GRID2: variants seen among roughly 807,000 people sequenced by gnomAD.
GRID2 encodes glutamate receptor ionotropic, delta-2.
GRID2 carries 33 observed loss-of-function variants against 114.8 expected under a neutral mutation model. The observed-to-expected ratio is 0.29, with a 90% CI of 0.22 to 0.38. GRID2 has a LOEUF of 0.38. GRID2 is among the 10% of genes least tolerant of loss of function. GRID2 has a pLI of 1.00. For synonymous variants in GRID2, 505 were observed against 449.9 expected (o/e 1.12, Z -1.55); for missense variants, 1,184 against 1,257.7 (o/e 0.94, Z 0.89).
intron 2 of GRID2, among the ~76,000 whole-genome samples, chr4:92,789,498 C>T (rs1391774833): frequency 3.3e-5 from 5 of 151,748 alleles, no homozygotes; most frequent in African/African-American, 9.7e-5. Context: ...CATTGACTTG[C>T]CTGTCTCTTA....
intron 11 of GRID2, 87 bp from the exon 12 acceptor site, chr4:93,490,552 A>G: frequency 3.2e-6 from 3 of 949,960 alleles, no homozygotes; most frequent in Non-Finnish European, 4.8e-6. Flanking sequence ...ACTACTTGCA[A>G]GTTAATTTGG....
chr4:92,709,955 C>CT (rs1735160316), intron 2 of GRID2, among the ~76,000 whole-genome samples: 1 of 151,986 alleles, frequency 6.6e-6, no homozygotes, highest in Non-Finnish European at 1.5e-5. Flanking sequence ...AACAGGTTGT[C>CT]TTTTTCCAAC....
chr4:93,570,473 G>T (rs937198989), intron 13 of GRID2, among the ~76,000 whole-genome samples: 7 of 152,176 alleles, frequency 4.6e-5, no homozygotes, highest in African/African-American at 1.7e-4. Flanking sequence ...TGGTTAAGGG[G>T]CTGTCGGGGA....
chr4:92,439,722 G>T (rs1028748427), intron 1 of GRID2, among the ~76,000 whole-genome samples: 1 of 145,888 alleles, frequency 6.9e-6, no homozygotes, highest in South Asian at 2.3e-4. Context: ...GGCATAAAAG[G>T]TTTAAGAATT....
At chr4:92,702,421 T>C (rs1734723824) in intron 2 of GRID2, 1 of 152,080 alleles carries the variant, frequency 6.6e-6, no homozygotes, top group Non-Finnish European at 1.5e-5. Flanking sequence ...GAATGAAAAA[T>C]TCTAGGCTAC....
intron 13 of GRID2, among the ~76,000 whole-genome samples, chr4:93,592,712 C>A (rs530938821): frequency 6.6e-6 from 1 of 152,050 alleles, no homozygotes; most frequent in Admixed American, 6.6e-5. Flanking sequence ...GTAGGTCACT[C>A]AGGACTTGCT....
At chr4:92,681,717 A>T (rs957406973) in intron 2 of GRID2, among the ~76,000 whole-genome samples, 1 of 152,208 alleles carries the variant, frequency 6.6e-6, no homozygotes, top group Admixed American at 6.5e-5. Context: ...AATTGTACAC[A>T]AGAAAGAGTG....
At chr4:93,305,270 A>G (rs534463228) in intron 8 of GRID2, among the ~76,000 whole-genome samples, 70 of 152,296 alleles carry the variant, frequency 4.6e-4, no homozygotes, top group Non-Finnish European at 6.0e-4. Flanking sequence ...AAGTTTATAG[A>G]CAGGGAAATA....
chr4:93,392,325 A>G (rs2149325364), intron 8 of GRID2, among the ~76,000 whole-genome samples: 1 of 152,282 alleles, frequency 6.6e-6, no homozygotes, highest in South Asian at 2.1e-4. Context: ...ATGAGAATTC[A>G]GACATCGAAA....
chr4:92,685,920 T>G (rs1733877253), intron 2 of GRID2, among the ~76,000 whole-genome samples: 1 of 152,080 alleles, frequency 6.6e-6, no homozygotes, highest in South Asian at 2.1e-4. Flanking sequence ...TGCCACAAAA[T>G]TTTAAGAAAA....
intron 1 of GRID2, among the ~76,000 whole-genome samples, chr4:92,331,943 C>G (rs185371335): frequency 3.3e-5 from 5 of 152,118 alleles, no homozygotes; most frequent in Admixed American, 2.6e-4. Flanking sequence ...ACTAGGAGTA[C>G]AGCATGTGAC....
At chr4:93,113,367 C>G (rs1198942209) in intron 4 of GRID2, among the ~76,000 whole-genome samples, 1 of 152,156 alleles carries the variant, frequency 6.6e-6, no homozygotes, top group East Asian at 1.9e-4. Context: ...AGAGGCAGAT[C>G]TGGGATTAAT....
chr4:93,473,304 T>G (rs1725020488), intron 11 of GRID2, among the ~76,000 whole-genome samples: 1 of 152,310 alleles, frequency 6.6e-6, no homozygotes, highest in African/African-American at 2.4e-5. Flanking sequence ...AGTTAAATGA[T>G]ATGTATGCAT....
At chr4:93,336,249 AT>A (rs577237927) in intron 8 of GRID2, among the ~76,000 whole-genome samples, 2 of 152,034 alleles carry the variant, frequency 1.3e-5, no homozygotes, top group Non-Finnish European at 2.9e-5. Flanking sequence ...ATACCCCCAA[AT>A]TTATACCATT....
chr4:92,987,275 A>G (rs1261972465), intron 2 of GRID2, among the ~76,000 whole-genome samples: 1 of 152,164 alleles, frequency 6.6e-6, no homozygotes, highest in Non-Finnish European at 1.5e-5. Context: ...CCTCACCATT[A>G]AAGAAGGTAC....
At chr4:92,338,964 C>A (rs1579203182) in intron 1 of GRID2, among the ~76,000 whole-genome samples, 2 of 151,890 alleles carry the variant, frequency 1.3e-5, no homozygotes, top group African/African-American at 4.8e-5. Context: ...CTTTTTGAGG[C>A]CTTTAGATGA....
chr4:93,041,477 T>G (rs373293433), intron 2 of GRID2, among the ~76,000 whole-genome samples: 1 of 152,218 alleles, frequency 6.6e-6, no homozygotes, highest in African/African-American at 2.4e-5. Flanking sequence ...AGTTGACATT[T>G]CAGATTTCTA....
At chr4:92,367,453 G>T (rs1192678432) in intron 1 of GRID2, among the ~76,000 whole-genome samples, 1 of 151,986 alleles carries the variant, frequency 6.6e-6, no homozygotes, top group East Asian at 1.9e-4. Context: ...AGAGTTTTAA[G>T]AATCAGAAGG....
chr4:92,415,734 A>G (rs112620352), intron 1 of GRID2, among the ~76,000 whole-genome samples: 971 of 40,812 alleles, frequency 0.024, 10 homozygotes, highest in South Asian at 0.037. Flanking sequence ...GTGTGTGTGT[A>G]TGTGTGTATA....
Sources: allele counts gnomAD v4.1 joint callset (sites outside exome capture counted in the v4.1 genomes callset), GRCh38; gene constraint gnomAD v4.1.1; transcripts MANE v1.5; gene names NCBI Gene and HGNC (gene_info 2026-07-23, HGNC 2026-07-21).